Variants in NUMB observed in about 807,000 individuals in gnomAD.
NUMB encodes the protein NUMB endocytic adaptor protein.
Under a neutral mutation model 59.7 loss-of-function variants are expected in NUMB, and 29 were observed. The ratio of observed to expected loss-of-function variants is 0.49; its 90% CI spans 0.36 to 0.66. The LOEUF is 0.66. Ranked by LOEUF, NUMB falls within the 30% of genes least tolerant of loss-of-function variation. NUMB has a pLI of 0.00. For missense variants in NUMB, 723 were observed against 822.0 expected, an observed-to-expected ratio of 0.88 and a Z score of 1.47; for synonymous variants, 288 against 288.2, an observed-to-expected ratio of 1.00 and a Z score of 0.01.
chr14:73,296,967 A>C (rs1199061695), intron 7 of NUMB, among the ~76,000 whole-genome samples: 1 of 152,234 alleles, frequency 6.6e-6, no homozygotes, highest in Non-Finnish European at 1.5e-5. Flanking sequence ...CAGGAGTTCG[A>C]GACCAGCCTG....
chr14:73,323,313 A>C (rs987920224), intron 4 of NUMB, 109 bp from the exon 5 acceptor site: 8 of 672,042 alleles, frequency 1.2e-5, no homozygotes, highest in Non-Finnish European at 1.7e-5. Flanking sequence ...AAATCTGAAA[A>C]AATTTGAAAT....
chr14:73,350,712 A>G (rs1320766508), intron 4 of NUMB, among the ~76,000 whole-genome samples: 2 of 86,078 alleles, frequency 2.3e-5, no homozygotes, highest in Admixed American at 1.4e-4. Context: ...TTTTTTTTGT[A>G]GAGATGGGGT....
At chr14:73,398,995 A>C (rs1332037353) in intron 2 of NUMB, among the ~76,000 whole-genome samples, 1 of 152,202 alleles carries the variant, frequency 6.6e-6, no homozygotes, top group Non-Finnish European at 1.5e-5. Context: ...ATTATTAGAG[A>C]AACATACAAG....
chr14:73,287,013 CTT>C lies in NUMB; in HGVS notation c.655+95_655+96del, dbSNP rs761009675. The C allele has an allele frequency of 2.5e-6, 3 of 1,188,906 alleles. No homozygotes were observed. The East Asian group carries it at 7.0e-5, about 28-fold the overall frequency. The allele number at this position is 1,188,906 out of a possible 1,614,324, so 73.6% of individuals were successfully genotyped here. ...AAGGTTTTATATTGCTAAGGGTTCT[CTT>C]TGATTATGAGAAAATTTACCCCTGG... On this transcript the variant is annotated intron_variant, in intron 9 of 12. Transcript: ENST00000555238.
chr14:73,310,282 G>A (rs1276892459), intron 6 of NUMB, among the ~76,000 whole-genome samples: 2 of 152,116 alleles, frequency 1.3e-5, no homozygotes, highest in Non-Finnish European at 2.9e-5. Flanking sequence ...CACACAGAAA[G>A]CATATTGTTT....
intron 2 of NUMB, among the ~76,000 whole-genome samples, chr14:73,382,636 T>A (rs1895302737): frequency 6.6e-6 from 1 of 152,062 alleles, no homozygotes; most frequent in South Asian, 2.1e-4. Flanking sequence ...CCTCAGATCA[T>A]CTCAAGTCCA....
chr14:73,335,666 T>C (rs1350150290), intron 4 of NUMB, among the ~76,000 whole-genome samples: 2 of 152,248 alleles, frequency 1.3e-5, no homozygotes, highest in Non-Finnish European at 2.9e-5. Flanking sequence ...TTTCCCTTTC[T>C]TGAAAAAATT....
At chr14:73,307,118 G>A (rs980920083) in intron 6 of NUMB, among the ~76,000 whole-genome samples, 2 of 152,092 alleles carry the variant, frequency 1.3e-5, no homozygotes, top group Non-Finnish European at 2.9e-5. Flanking sequence ...GACCACCCTG[G>A]CTAACACAGT....
At chr14:73,395,481 G>A (rs147354181) in intron 2 of NUMB, among the ~76,000 whole-genome samples, 1 of 152,074 alleles carries the variant, frequency 6.6e-6, no homozygotes, top group Non-Finnish European at 1.5e-5. Flanking sequence ...AAATTAGCCT[G>A]GCAGTGGTGT....
intron 2 of NUMB, among the ~76,000 whole-genome samples, chr14:73,375,813 GATC>G (rs1894918615): frequency 6.6e-6 from 1 of 152,130 alleles, no homozygotes; most frequent in South Asian, 2.1e-4. Context: ...AAAATCACAT[GATC>G]ATCTCCATAA....
intron 1 of NUMB, among the ~76,000 whole-genome samples, chr14:73,418,931 C>T (rs1897240642): frequency 2.0e-5 from 3 of 152,094 alleles, no homozygotes; most frequent in Admixed American, 6.5e-5. Flanking sequence ...TTCAGCACCC[C>T]TATACAAGTC....
At chr14:73,396,321 GGTGTGTGT>G (rs200195176) in intron 2 of NUMB, among the ~76,000 whole-genome samples, 1,498 of 144,304 alleles carry the variant, frequency 0.01, 35 homozygotes, top group Admixed American at 0.046. Context: ...AATTATTAGG[GGTGTGTGT>G]GTGTGTGTGT....
intron 2 of NUMB, among the ~76,000 whole-genome samples, chr14:73,377,455 A>G (rs1156244733): frequency 1.3e-5 from 2 of 152,054 alleles, no homozygotes; most frequent in African/African-American, 4.8e-5. Flanking sequence ...AGCCTGGCCA[A>G]CATGATGAAA....
intron 4 of NUMB, among the ~76,000 whole-genome samples, chr14:73,327,266 T>C (rs1216886302): frequency 2.0e-5 from 3 of 152,210 alleles, no homozygotes; most frequent in African/African-American, 7.2e-5. Flanking sequence ...AGAATTATTA[T>C]TATTTTTTTG....
At chr14:73,293,841 A>G (rs1022766660) in intron 7 of NUMB, among the ~76,000 whole-genome samples, 6 of 152,214 alleles carry the variant, frequency 3.9e-5, no homozygotes, top group Non-Finnish European at 8.8e-5. Flanking sequence ...ACTTCAGTGT[A>G]CCATTTTCTG....
intron 1 of NUMB, among the ~76,000 whole-genome samples, chr14:73,429,287 C>T (rs1897722554): frequency 1.3e-5 from 2 of 151,716 alleles, no homozygotes; most frequent in South Asian, 4.2e-4. Flanking sequence ...CAGGAGAATG[C>T]CGTGAACCCA....
intron 4 of NUMB, among the ~76,000 whole-genome samples, chr14:73,325,382 AG>A (rs1362010970): frequency 3.8e-4 from 58 of 152,368 alleles, no homozygotes; most frequent in African/African-American, 1.4e-3. Context: ...TAAGCCCAGG[AG>A]TCCAAGGCCG....
intron 1 of NUMB, among the ~76,000 whole-genome samples, chr14:73,453,160 TTCTC>T (rs1216210040): frequency 6.6e-6 from 1 of 152,168 alleles, no homozygotes; most frequent in African/African-American, 2.4e-5. Flanking sequence ...GAGACGGAGT[TTCTC>T]TCTTGTTGCC....
chr14:73,279,280 C>A lies in NUMB; in HGVS notation c.1240+1G>T. 1 of 1,614,176 alleles carries A rather than the reference C, an allele frequency of 6.2e-7. No homozygotes were observed. The highest frequency in any genetic ancestry group is 8.5e-7 in the Non-Finnish European group (1 of 1,179,998). ...CTCAACACCATCTGTGGCCACCTTA[C>A]CCGAACATGTGGCTGCAATTTCCTT... is the stretch of plus-strand genomic sequence containing the variant. On this transcript the variant is annotated splice_donor_variant, in intron 12 of 12. Coordinates refer to ENST00000555238, the MANE Select transcript of NUMB (RefSeq NM_001005743.2). LOFTEE classifies it high-confidence loss of function.
Sources: gnomAD v4.1 joint callset for allele counts (sites outside exome capture counted in the v4.1 genomes callset) on GRCh38, gnomAD v4.1.1 for gene constraint, MANE v1.5 for transcripts, NCBI Gene and HGNC (gene_info 2026-07-23, HGNC 2026-07-21) for gene names.